The following TPRG1 variants were observed in gnomAD, a reference collection of about 807,000 sequenced individuals.
The protein encoded by TPRG1 is tumor protein p63 regulated 1, also known as tumor protein p63-regulated gene 1 protein.
A neutral mutation model predicts 29.3 loss-of-function variants in TPRG1; 29 were observed. The ratio of observed to expected loss-of-function variants is 0.99; its 90% CI spans 0.74 to 1.35. The LOEUF (loss-of-function observed/expected upper bound fraction) is 1.35, where lower values mean the gene tolerates loss of function less well. TPRG1 is among the 40% of genes most tolerant of loss of function. The pLI is 0.00. For synonymous variants in TPRG1, 130 were observed against 116.8 expected (o/e 1.11, Z -0.73); for missense variants, 327 against 335.0 (o/e 0.98, Z 0.19).
At chr3:189,131,342 T>C (rs1471479266) in intron 2 of TPRG1, among the ~76,000 whole-genome samples, 1 of 152,206 alleles carries the variant, frequency 6.6e-6, no homozygotes, top group African/African-American at 2.4e-5. Flanking sequence ...TATTCATGTG[T>C]GTATATGTAT....
chr3:189,129,086 A>G (rs930707956), intron 2 of TPRG1, among the ~76,000 whole-genome samples: 3 of 152,244 alleles, frequency 2.0e-5, no homozygotes, highest in African/African-American at 7.2e-5. Flanking sequence ...TAACTTTAGT[A>G]CTATTCACTA....
At chr3:189,266,776 A>G (rs568957595) in intron 4 of TPRG1, among the ~76,000 whole-genome samples, 1 of 152,320 alleles carries the variant, frequency 6.6e-6, no homozygotes, top group South Asian at 2.1e-4. Context: ...AGAGCAAAGC[A>G]TAACTTATAA....
intron 3 of TPRG1, among the ~76,000 whole-genome samples, chr3:189,238,370 A>G (rs1322973483): frequency 6.6e-6 from 1 of 152,250 alleles, no homozygotes; most frequent in African/African-American, 2.4e-5. Context: ...TTTGGTGTCC[A>G]TGAAGGAAGA....
At chr3:189,231,560 G>A (rs1033711374) in intron 3 of TPRG1, among the ~76,000 whole-genome samples, 2 of 151,972 alleles carry the variant, frequency 1.3e-5, no homozygotes, top group Non-Finnish European at 2.9e-5. Flanking sequence ...TAAATTCTCC[G>A]TATGTCATAT....
At chr3:189,144,092 T>C (rs12491498) in intron 3 of TPRG1, among the ~76,000 whole-genome samples, 49,602 of 152,094 alleles carry the variant, frequency 0.33, 8,396 homozygotes, top group Admixed American at 0.44. Flanking sequence ...TTTAAAACTT[T>C]GAGTTATCTC....
intron 1 of TPRG1, chr3:189,121,444 A>G (rs1287093648): frequency 6.6e-6 from 1 of 152,216 alleles, no homozygotes; most frequent in African/African-American, 2.4e-5. Context: ...TTTATGTTGA[A>G]TTTGGAAGAC....
intron 1 of TPRG1, chr3:189,191,047 T>A (rs761966405): frequency 3.3e-6 from 3 of 911,898 alleles, no homozygotes; most frequent in Non-Finnish European, 3.9e-6. Context: ...TGGTCATTGC[T>A]TATTCAGTAG....
intron 4 of TPRG1, among the ~76,000 whole-genome samples, chr3:189,302,569 G>A (rs1444183215): frequency 6.6e-6 from 1 of 152,148 alleles, no homozygotes; most frequent in Non-Finnish European, 1.5e-5. Context: ...CCTCATCAGT[G>A]GAAAGAAAGT....
chr3:189,167,421 G>A (rs1216033718), upstream of TPRG1, among the ~76,000 whole-genome samples: 1 of 152,190 alleles, frequency 6.6e-6, no homozygotes, highest in African/African-American at 2.4e-5. Context: ...GCCATGAATG[G>A]CTGGCAAAGT....
Position 189,198,977 on chromosome 3 carries a change from T to C in TPRG1, c.-9-8399T>C, listed in dbSNP as rs140011542. ...TTGAGAAAATCTCTCTAAAAATAAATACATGCTGTGAGAAACTCAACAGAA... is the reference window on the plus strand; with the variant it reads ...TTGAGAAAATCTCTCTAAAAATAAACACATGCTGTGAGAAACTCAACAGAA... On this transcript the variant is annotated intron_variant, in intron 1 of 5. Transcript: ENST00000345063. 3.3e-3 allele frequency among the ~76,000 whole-genome samples: 498 copies of C among 152,350 alleles called. 2 individuals carry two copies. Among genetic ancestry groups the C allele is most frequent in the African/African-American group, 0.011 (468 of 41,590 alleles).
At chr3:189,224,675 A>G (rs1464539612) in intron 3 of TPRG1, among the ~76,000 whole-genome samples, 1 of 152,168 alleles carries the variant, frequency 6.6e-6, no homozygotes, top group Admixed American at 6.5e-5. Flanking sequence ...ATGGTAGCCT[A>G]AGGAGTTTGG....
intron 1 of TPRG1, among the ~76,000 whole-genome samples, chr3:189,175,078 C>A (rs561346312): frequency 6.6e-6 from 1 of 152,144 alleles, no homozygotes; most frequent in African/African-American, 2.4e-5. Context: ...AGAGTAGAGA[C>A]CCTTTCTCAA....
intron 5 of TPRG1, among the ~76,000 whole-genome samples, chr3:189,312,146 T>C (rs1722690547): frequency 6.3e-5 from 3 of 47,806 alleles, no homozygotes; most frequent in African/African-American, 2.7e-4. Flanking sequence ...TCTTTCTTTC[T>C]TTCTTTCTTT....
intron 4 of TPRG1, among the ~76,000 whole-genome samples, chr3:189,239,300 C>T (rs887612217): frequency 4.6e-5 from 7 of 152,218 alleles, no homozygotes; most frequent in East Asian, 1.9e-4. Flanking sequence ...CATCAAGTCT[C>T]GTGAGACTTA....
At chr3:189,154,501 G>A (rs1726391049) in intron 5 of TPRG1, among the ~76,000 whole-genome samples, 1 of 151,530 alleles carries the variant, frequency 6.6e-6, no homozygotes, top group Non-Finnish European at 1.5e-5. Context: ...GAGTGCAATG[G>A]TGCGATCTCG....
At chr3:189,220,343 A>G (rs533974324) in intron 3 of TPRG1, among the ~76,000 whole-genome samples, 1 of 152,274 alleles carries the variant, frequency 6.6e-6, no homozygotes, top group South Asian at 2.1e-4. Context: ...ATTGTTACAT[A>G]TTAATAATGA....
chr3:189,058,808 C>A (rs60140065), intron 4 of TPRG1, among the ~76,000 whole-genome samples: 19,109 of 152,176 alleles, frequency 0.13, 2,137 homozygotes, highest in African/African-American at 0.3. Flanking sequence ...GAGTTGAATG[C>A]TTTATGCTTT....
chr3:189,094,520 C>A (rs964025981), intron 4 of TPRG1, among the ~76,000 whole-genome samples: 4 of 152,158 alleles, frequency 2.6e-5, no homozygotes, highest in African/African-American at 9.7e-5. Context: ...AACTGCTTCA[C>A]GTCCTTGAGC....
chr3:189,214,199 C>T (rs565141703), intron 2 of TPRG1, among the ~76,000 whole-genome samples: 3 of 152,222 alleles, frequency 2.0e-5, no homozygotes, highest in African/African-American at 7.2e-5. Flanking sequence ...GGCATAAAAG[C>T]ATTCAATAAA....
Sources: allele counts gnomAD v4.1 joint callset (sites outside exome capture counted in the v4.1 genomes callset), GRCh38; gene constraint gnomAD v4.1.1; transcripts MANE v1.5; gene names NCBI Gene and HGNC (gene_info 2026-07-23, HGNC 2026-07-21).